The following AMPH variants were observed in gnomAD, a reference collection of about 807,000 sequenced individuals.
AMPH encodes the protein amphiphysin.
AMPH carries 49 observed loss-of-function variants against 99.1 expected under a neutral mutation model. That is an observed-to-expected ratio of 0.49 (90% CI 0.39 to 0.63). The LOEUF (loss-of-function observed/expected upper bound fraction) is 0.63. Ranked by LOEUF, AMPH falls within the 20% of genes least tolerant of loss-of-function variation. The pLI, the probability that AMPH is intolerant of heterozygous loss-of-function variation, is 0.00. For synonymous variants in AMPH, 314 were observed against 317.3 expected (o/e 0.99, Z 0.11); for missense variants, 759 against 863.4 (o/e 0.88, Z 1.52).
At chr7:38,565,284 T>G (rs1032895662) in intron 1 of AMPH, among the ~76,000 whole-genome samples, 1 of 152,194 alleles carries the variant, frequency 6.6e-6, no homozygotes, top group African/African-American at 2.4e-5. Flanking sequence ...CTTCTTAAGC[T>G]AAGAAGTGTG....
At chr7:38,435,698 G>A (rs769159375) in intron 12 of AMPH, among the ~76,000 whole-genome samples, 1 of 152,094 alleles carries the variant, frequency 6.6e-6, no homozygotes, top group Non-Finnish European at 1.5e-5. Flanking sequence ...GTGAGGGAGT[G>A]GTGAGCAAAA....
At chr7:38,539,753 G>T (rs1176943634) in intron 1 of AMPH, among the ~76,000 whole-genome samples, 2 of 152,190 alleles carry the variant, frequency 1.3e-5, no homozygotes, top group African/African-American at 4.8e-5. Context: ...AGAAACACAT[G>T]ACATGAATTT....
rs1313735731 is a variant in AMPH, at chr7:38,429,875, TA to T, written c.1159-11del. On this transcript the variant is annotated splice_polypyrimidine_tract_variant and intron_variant, in intron 13 of 20. Transcript: ENST00000356264. ...CCAAATCAGTGCTTGTCTGTATGGG[TA>T]AAGAAAATAGTAACAATAAGGCGAG... 1 of 1,602,338 alleles carries T rather than the reference TA, an allele frequency of 6.2e-7. No individual in the cohort carries two copies. The highest frequency in any genetic ancestry group is 8.5e-7 in the Non-Finnish European group (1 of 1,176,442).
At chr7:38,564,391 A>T (rs1791655984) in intron 1 of AMPH, among the ~76,000 whole-genome samples, 1 of 152,198 alleles carries the variant, frequency 6.6e-6, no homozygotes, top group Non-Finnish European at 1.5e-5. Flanking sequence ...AGCTGCAGAG[A>T]AAAGTCCTCA....
intron 1 of AMPH, among the ~76,000 whole-genome samples, chr7:38,586,037 T>A (rs894957255): frequency 2.0e-5 from 3 of 152,184 alleles, no homozygotes; most frequent in African/African-American, 7.2e-5. Flanking sequence ...AATAATCTTA[T>A]CCTACAAATA....
intron 2 of AMPH, among the ~76,000 whole-genome samples, chr7:38,511,869 T>C (rs1789555090): frequency 6.6e-6 from 1 of 152,184 alleles, no homozygotes; most frequent in Admixed American, 6.5e-5. Context: ...CCAGCAGATA[T>C]GCAATCAAAG....
Position 38,459,359 on chromosome 7 carries a change from T to A in AMPH, c.1017+1924A>T, listed in dbSNP as rs1158781956. On this transcript the variant is annotated intron_variant, in intron 11 of 20. Coordinates refer to ENST00000356264, the MANE Select transcript of AMPH (RefSeq NM_001635.4). ...ATTAGAAAAAATCATAAAATTTGTA[T>A]GAAACCAAAAAAAGAGCCAAAATAG... 3.3e-5 allele frequency among the ~76,000 whole-genome samples: 5 copies of A among 152,058 alleles called. No individual in the cohort carries two copies. The East Asian group carries it at 9.6e-4, about 29-fold the overall frequency.
chr7:38,532,381 A>G (rs1445068565), intron 2 of AMPH, among the ~76,000 whole-genome samples: 1 of 152,232 alleles, frequency 6.6e-6, no homozygotes, highest in Non-Finnish European at 1.5e-5. Flanking sequence ...ACTCCCTGAG[A>G]AATAACATTC....
chr7:38,496,611 G>C (rs1788942420), intron 3 of AMPH, among the ~76,000 whole-genome samples: 3 of 152,128 alleles, frequency 2.0e-5, no homozygotes, highest in Admixed American at 1.3e-4. Flanking sequence ...ATCCAAGCAA[G>C]GGGGGATGCG....
intron 17 of AMPH, among the ~76,000 whole-genome samples, chr7:38,408,956 A>G (rs1785137902): frequency 6.6e-6 from 1 of 152,192 alleles, no homozygotes; most frequent in Admixed American, 6.5e-5. Flanking sequence ...TAGAAGTTTC[A>G]TTGATAGCTA....
chr7:38,476,845 A>G lies in AMPH; in HGVS notation c.504+17T>C, dbSNP rs558877866. On this transcript the variant is annotated intron_variant, in intron 6 of 20. Transcript: ENST00000356264. ...TAAAATACGGAGAGTGGTATTCACC[A>G]TGGGCTCAATCCCTACCTTAGAGAT... 4.4e-6 allele frequency: 7 copies of G among 1,594,524 alleles called. No homozygotes were observed. In the Admixed American group the frequency reaches 6.7e-5, roughly 15 times the overall value.
chr7:38,606,633 T>G (rs914547418), intron 1 of AMPH, among the ~76,000 whole-genome samples: 3 of 145,712 alleles, frequency 2.1e-5, no homozygotes, highest in Non-Finnish European at 4.5e-5. Context: ...AATGCAGTAG[T>G]GCAATCTCAG....
At chr7:38,580,346 G>T (rs1416284726) in intron 1 of AMPH, among the ~76,000 whole-genome samples, 8 of 152,098 alleles carry the variant, frequency 5.3e-5, no homozygotes, top group East Asian at 1.9e-4. Flanking sequence ...CTTATTAGGG[G>T]TTTACAATGC....
chr7:38,488,084 A>C (rs1455238771), intron 5 of AMPH, among the ~76,000 whole-genome samples: 1 of 152,196 alleles, frequency 6.6e-6, no homozygotes, highest in Non-Finnish European at 1.5e-5. Context: ...TGGGAGTGTA[A>C]ATTCGTTCAA....
chr7:38,602,128 G>A (rs1793266415), intron 1 of AMPH, among the ~76,000 whole-genome samples: 1 of 152,176 alleles, frequency 6.6e-6, no homozygotes, highest in Non-Finnish European at 1.5e-5. Flanking sequence ...GGACAGCCCA[G>A]ACACTCTACA....
chr7:38,492,037 T>C (rs1156711285), intron 4 of AMPH, among the ~76,000 whole-genome samples: 1 of 152,218 alleles, frequency 6.6e-6, no homozygotes, highest in Non-Finnish European at 1.5e-5. Flanking sequence ...AATGTCATCT[T>C]CACATTTCTC....
chr7:38,442,612 G>A (rs1786596942), intron 11 of AMPH, among the ~76,000 whole-genome samples: 1 of 151,840 alleles, frequency 6.6e-6, no homozygotes. Flanking sequence ...AATTCAATGA[G>A]TCAAAAAAGA....
chr7:38,528,959 T>C (rs932710647), intron 2 of AMPH, among the ~76,000 whole-genome samples: 1 of 152,102 alleles, frequency 6.6e-6, no homozygotes, highest in Non-Finnish European at 1.5e-5. Flanking sequence ...GATAATCAAT[T>C]TTTTTCCCAG....
chr7:38,423,850 C>T (rs1386732825), intron 15 of AMPH, among the ~76,000 whole-genome samples: 2 of 152,116 alleles, frequency 1.3e-5, no homozygotes, highest in African/African-American at 4.8e-5. Flanking sequence ...CTAAGAACAC[C>T]AAGCAACATC....
Sources: gnomAD v4.1 joint callset for allele counts (sites outside exome capture counted in the v4.1 genomes callset) on GRCh38, gnomAD v4.1.1 for gene constraint, MANE v1.5 for transcripts, NCBI Gene and HGNC (gene_info 2026-07-23, HGNC 2026-07-21) for gene names.